SPTSSA: variants seen among roughly 807,000 people sequenced by gnomAD.
SPTSSA encodes the protein serine palmitoyltransferase small subunit A, also known as small subunit of serine palmitoyltransferase A.
Under a neutral mutation model 9.1 loss-of-function variants are expected in SPTSSA, and 8 were observed. The observed-to-expected ratio is 0.88, with a 90% CI of 0.51 to 1.58. The LOEUF is 1.58. Among genes scored for constraint, SPTSSA ranks in the 40% most tolerant of loss-of-function variants. The pLI, the probability that SPTSSA is intolerant of heterozygous loss-of-function variation, is 0.00. For synonymous variants in SPTSSA, 42 were observed against 37.7 expected, an observed-to-expected ratio of 1.11 and a Z score of -0.41; for missense variants, 100 against 93.8, an observed-to-expected ratio of 1.07 and a Z score of -0.27.
chr14:34,456,056 G>A (rs1324638756), intron 1 of SPTSSA, among the ~76,000 whole-genome samples: 2 of 152,134 alleles, frequency 1.3e-5, no homozygotes, highest in African/African-American at 2.4e-5. Flanking sequence ...GGGCGCGGTG[G>A]CTCACACCTA....
At chr14:34,448,787 C>G (rs918137742) in intron 1 of SPTSSA, among the ~76,000 whole-genome samples, 1 of 151,946 alleles carries the variant, frequency 6.6e-6, no homozygotes, top group Non-Finnish European at 1.5e-5. Flanking sequence ...CCATTAACAC[C>G]AAGAATATGA....
chr14:34,452,531 A>G (rs1343014692), intron 1 of SPTSSA, among the ~76,000 whole-genome samples: 1 of 152,226 alleles, frequency 6.6e-6, no homozygotes, highest in Non-Finnish European at 1.5e-5. Flanking sequence ...TTTAGAAACT[A>G]CAACTTGATG....
intron 1 of SPTSSA, among the ~76,000 whole-genome samples, chr14:34,451,961 C>CA (rs1048482252): frequency 1.3e-5 from 2 of 151,928 alleles, no homozygotes; most frequent in African/African-American, 2.4e-5. Flanking sequence ...CCTTTGACCT[C>CA]AAAAAACTGC....
At chr14:34,461,188 A>T (rs997656493) in intron 1 of SPTSSA, among the ~76,000 whole-genome samples, 2 of 152,206 alleles carry the variant, frequency 1.3e-5, no homozygotes, top group African/African-American at 2.4e-5. Context: ...GAGTTTTTTA[A>T]AAGTTACATC....
intron 1 of SPTSSA, among the ~76,000 whole-genome samples, chr14:34,452,266 G>T (rs906153769): frequency 2.9e-5 from 4 of 137,968 alleles, no homozygotes; most frequent in Non-Finnish European, 6.3e-5. Context: ...AAAAAAAAAA[G>T]AAAGTTAATT....
intron 1 of SPTSSA, among the ~76,000 whole-genome samples, chr14:34,452,956 A>T (rs1883553817): frequency 6.6e-6 from 1 of 152,180 alleles, no homozygotes; most frequent in Non-Finnish European, 1.5e-5. Flanking sequence ...AGGTCTACTT[A>T]TACATGGATT....
rs573207896 is a variant in SPTSSA, at chr14:34,455,301, C to T, written c.112+6795G>A. Among the ~76,000 whole-genome samples the T allele has an allele frequency of 5.9e-5, 9 of 151,914 alleles. No homozygotes were observed. In the East Asian group the frequency reaches 1.6e-3, roughly 26 times the overall value. On this transcript the variant is annotated intron_variant, in intron 1 of 1. Transcript: ENST00000298130. Reference sequence around the variant, plus strand: ...ACTGGGGAGGCTGATGCAAGAGAATCGCTTGCAACCAGAAGGCAAAGGTTG... The same window carrying T: ...ACTGGGGAGGCTGATGCAAGAGAATTGCTTGCAACCAGAAGGCAAAGGTTG...
At chr14:34,447,081 G>A (rs564959206) in intron 1 of SPTSSA, among the ~76,000 whole-genome samples, 17 of 151,722 alleles carry the variant, frequency 1.1e-4, no homozygotes, top group East Asian at 5.8e-4. Flanking sequence ...AAAATTAGCC[G>A]GCCGTGGTGG....
intron 1 of SPTSSA, among the ~76,000 whole-genome samples, chr14:34,436,935 TAA>T (rs113399233): frequency 3.5e-5 from 5 of 144,170 alleles, no homozygotes; most frequent in Admixed American, 7.0e-5. Flanking sequence ...CTAATTTCTT[TAA>T]AAAAAAAAAA....
chr14:34,439,209 G>T (rs916523011), intron 1 of SPTSSA, among the ~76,000 whole-genome samples: 2 of 152,140 alleles, frequency 1.3e-5, no homozygotes, highest in Non-Finnish European at 2.9e-5. Context: ...GTCAATCATT[G>T]GTTATAGGGT....
chr14:34,435,644 T>TTTTG (rs1883230244), intron 1 of SPTSSA, among the ~76,000 whole-genome samples: 1 of 148,558 alleles, frequency 6.7e-6, no homozygotes, highest in Non-Finnish European at 1.5e-5. Flanking sequence ...TTTTTTTTTT[T>TTTTG]TGAGACAGAG....
intron 1 of SPTSSA, among the ~76,000 whole-genome samples, chr14:34,461,452 G>A (rs911143206): frequency 1.3e-5 from 2 of 152,114 alleles, no homozygotes; most frequent in African/African-American, 4.8e-5. Context: ...AAACCCTACC[G>A]ACAACTAACC....
intron 1 of SPTSSA, among the ~76,000 whole-genome samples, chr14:34,436,617 T>C (rs1246920343): frequency 2.0e-5 from 3 of 152,236 alleles, no homozygotes; most frequent in Non-Finnish European, 4.4e-5. Flanking sequence ...CTAATATTTG[T>C]ATAACAGGTT....
At position 34,456,886 on chromosome 14, in the gene SPTSSA, G is replaced by A. The variant is rs186492269; in HGVS notation, c.112+5210C>T. Among the ~76,000 whole-genome samples, 1,183 of 147,976 alleles carry A rather than the reference G, an allele frequency of 8.0e-3. 13 individuals are homozygous for A. Among genetic ancestry groups the A allele is most frequent in the Middle Eastern group, 0.025 (7 of 280 alleles). On this transcript the variant is annotated intron_variant, in intron 1 of 1. Coordinates refer to ENST00000298130, the MANE Select transcript of SPTSSA (RefSeq NM_138288.4). ...TGCACTCCAGCCTGGGCAACACAGCGAGACTCCATCTCAAAAAAAAAAAGA... is the reference window on the plus strand; with the variant it reads ...TGCACTCCAGCCTGGGCAACACAGCAAGACTCCATCTCAAAAAAAAAAAGA...
intron 1 of SPTSSA, among the ~76,000 whole-genome samples, chr14:34,437,465 C>T (rs1036640214): frequency 2.6e-5 from 4 of 152,200 alleles, no homozygotes; most frequent in African/African-American, 7.2e-5. Context: ...ACTAACCCAT[C>T]TTCATGGATA....
chr14:34,445,090 A>C (rs1883398133), intron 1 of SPTSSA, among the ~76,000 whole-genome samples: 1 of 151,758 alleles, frequency 6.6e-6, no homozygotes, highest in Admixed American at 6.6e-5. Flanking sequence ...GCTCCATCTA[A>C]AAAAAAAATT....
intron 1 of SPTSSA, among the ~76,000 whole-genome samples, chr14:34,448,768 T>C (rs1393296039): frequency 6.6e-6 from 1 of 152,086 alleles, no homozygotes; most frequent in East Asian, 1.9e-4. Context: ...AGAACCAGGA[T>C]ACCCTCCACC....
intron 1 of SPTSSA, among the ~76,000 whole-genome samples, chr14:34,461,757 G>A (rs1417745285): frequency 2.6e-5 from 4 of 152,190 alleles, no homozygotes; most frequent in African/African-American, 9.7e-5. Context: ...ACAGGAACAG[G>A]GGACTGAACC....
chr14:34,435,325 CTTATTA>C (rs746889194), intron 1 of SPTSSA, 21 bp from the exon 2 acceptor site: 42 of 1,547,800 alleles, frequency 2.7e-5, no homozygotes, highest in Non-Finnish European at 3.2e-5. Flanking sequence ...GTTAAGGAAA[CTTATTA>C]TTATTAATTT....
Sources: gnomAD v4.1 joint callset for allele counts (sites outside exome capture counted in the v4.1 genomes callset) on GRCh38, gnomAD v4.1.1 for gene constraint, MANE v1.5 for transcripts, NCBI Gene and HGNC (gene_info 2026-07-23, HGNC 2026-07-21) for gene names.